Variants in LRBA observed in about 807,000 individuals in gnomAD.
LRBA encodes LPS responsive beige-like anchor protein, also known as lipopolysaccharide-responsive and beige-like anchor protein.
A neutral mutation model predicts 330.0 loss-of-function variants in LRBA; 176 were observed. The ratio of observed to expected loss-of-function variants is 0.53; its 90% CI spans 0.47 to 0.60. The LOEUF (loss-of-function observed/expected upper bound fraction) is 0.60, where lower values mean the gene tolerates loss of function less well. LRBA is among the 20% of genes least tolerant of loss of function. The pLI, the probability that LRBA is intolerant of heterozygous loss-of-function variation, is 0.00. For synonymous variants in LRBA, 1,230 were observed against 1,193.0 expected (o/e 1.03, Z -0.64); for missense variants, 3,259 against 3,444.8 (o/e 0.95, Z 1.35).
chr4:150,946,093 C>T (rs1736215738), intron 2 of LRBA, among the ~76,000 whole-genome samples: 2 of 152,142 alleles, frequency 1.3e-5, no homozygotes, highest in African/African-American at 4.8e-5. Context: ...CCACCATGCC[C>T]AGCCGGCATA....
intron 44 of LRBA, among the ~76,000 whole-genome samples, chr4:150,448,259 T>C (rs1161423778): frequency 6.6e-6 from 1 of 152,230 alleles, no homozygotes; most frequent in Non-Finnish European, 1.5e-5. Context: ...GCAATTTCGG[T>C]ACCACAAAGA....
rs148515557 is a variant in LRBA, at chr4:150,781,995, C to G, written c.5580+16086G>C. 4.6e-3 allele frequency among the ~76,000 whole-genome samples: 696 copies of G among 152,104 alleles called. 6 individuals carry two copies. Among genetic ancestry groups the G allele is most frequent in the African/African-American group, 0.016 (665 of 41,468 alleles). Reference sequence around the variant, plus strand: ...TATCACAATTCACTGCAGCCTTGACCCCCCTGGGTTCAAGCGATCCTCCCA... The same window carrying G: ...TATCACAATTCACTGCAGCCTTGACGCCCCTGGGTTCAAGCGATCCTCCCA... On this transcript the variant is annotated intron_variant, in intron 34 of 56. Coordinates refer to ENST00000651943, the MANE Select transcript of LRBA (RefSeq NM_001364905.1).
At chr4:150,828,654 A>C (rs1169683298) in intron 29 of LRBA, 33 bp from the exon 30 acceptor site, 4 of 1,553,260 alleles carry the variant, frequency 2.6e-6, no homozygotes, top group Non-Finnish European at 3.5e-6. Context: ...AGAAATAAAC[A>C]AACAAAAGTT....
intron 2 of LRBA, among the ~76,000 whole-genome samples, chr4:150,950,851 T>G (rs147138961): frequency 2.0e-5 from 3 of 152,274 alleles, no homozygotes; most frequent in African/African-American, 7.2e-5. Context: ...TGGCTAAATA[T>G]ATACTTCCCC....
At chr4:150,753,095 A>G (rs1439030408) in intron 35 of LRBA, among the ~76,000 whole-genome samples, 2 of 152,204 alleles carry the variant, frequency 1.3e-5, no homozygotes, top group Non-Finnish European at 2.9e-5. Context: ...CGATTCATAG[A>G]AATTCATCTT....
At chr4:150,943,868 G>A (rs943698087) in intron 2 of LRBA, among the ~76,000 whole-genome samples, 24 of 152,092 alleles carry the variant, frequency 1.6e-4, no homozygotes, top group African/African-American at 5.3e-4. Flanking sequence ...TGTGACTTAC[G>A]AAGTTAGGTC....
chr4:150,559,735 TATA>T (rs1377212047), intron 40 of LRBA, among the ~76,000 whole-genome samples: 1 of 89,172 alleles, frequency 1.1e-5, no homozygotes, highest in African/African-American at 4.7e-5. Flanking sequence ...TAATATATAA[TATA>T]ATATATAATA....
chr4:150,723,875 T>G (rs1293496164), intron 36 of LRBA, among the ~76,000 whole-genome samples: 1 of 152,124 alleles, frequency 6.6e-6, no homozygotes, highest in Non-Finnish European at 1.5e-5. Flanking sequence ...CATCACAAGC[T>G]GACAGAAGAG....
chr4:150,802,888 G>A (rs1322509749), intron 33 of LRBA, among the ~76,000 whole-genome samples: 1 of 151,562 alleles, frequency 6.6e-6, no homozygotes, highest in Non-Finnish European at 1.5e-5. Context: ...CCAGCTTGGT[G>A]GCACATGCCT....
chr4:150,518,782 C>T (rs1762623437), intron 40 of LRBA, among the ~76,000 whole-genome samples: 1 of 152,154 alleles, frequency 6.6e-6, no homozygotes, highest in African/African-American at 2.4e-5. Flanking sequence ...CAACTGGAAA[C>T]AAACACAGTC....
chr4:150,880,048 CAT>C (rs747244956), intron 17 of LRBA, among the ~76,000 whole-genome samples: 53 of 152,140 alleles, frequency 3.5e-4, no homozygotes, highest in Non-Finnish European at 6.0e-4. Context: ...AAAACAGACA[CAT>C]GTGTCAATGG....
intron 40 of LRBA, among the ~76,000 whole-genome samples, chr4:150,511,393 A>G (rs1347519687): frequency 1.3e-5 from 2 of 152,132 alleles, no homozygotes; most frequent in South Asian, 2.1e-4. Context: ...GGTAAAACCT[A>G]CTTTAGAAGA....
chr4:150,826,573 ATT>A, intron 30 of LRBA, among the ~76,000 whole-genome samples: 1 of 152,210 alleles, frequency 6.6e-6, no homozygotes, highest in Non-Finnish European at 1.5e-5. Context: ...GATTGGTTCT[ATT>A]GATACTTTGT....
intron 40 of LRBA, among the ~76,000 whole-genome samples, chr4:150,535,494 C>T (rs1422073383): frequency 6.6e-6 from 1 of 152,106 alleles, no homozygotes; most frequent in African/African-American, 2.4e-5. Flanking sequence ...CTTCTTTGTT[C>T]TCTTTCTATA....
intron 37 of LRBA, among the ~76,000 whole-genome samples, chr4:150,673,347 A>G (rs578156076): frequency 1.3e-5 from 2 of 152,330 alleles, no homozygotes; most frequent in Admixed American, 1.3e-4. Context: ...TGGTGAAAAA[A>G]GATAAGTCAT....
chr4:150,630,643 A>G (rs1308978067), intron 37 of LRBA, among the ~76,000 whole-genome samples: 1 of 152,176 alleles, frequency 6.6e-6, no homozygotes, highest in Admixed American at 6.5e-5. Context: ...GTGACCAGAA[A>G]TTACCTAATA....
chr4:150,984,055 G>A (rs1434304573), intron 2 of LRBA, among the ~76,000 whole-genome samples: 2 of 152,130 alleles, frequency 1.3e-5, no homozygotes, highest in African/African-American at 4.8e-5. Context: ...AACTCCAACA[G>A]CTCAAGGGCA....
chr4:150,830,894 G>C (rs1301505169), intron 29 of LRBA, among the ~76,000 whole-genome samples: 3 of 150,838 alleles, frequency 2.0e-5, no homozygotes, highest in Admixed American at 6.7e-5. Flanking sequence ...TTCCTAAGTA[G>C]CTGGGATTAC....
chr4:150,641,304 T>G (rs910736682), intron 37 of LRBA, among the ~76,000 whole-genome samples: 7 of 152,206 alleles, frequency 4.6e-5, no homozygotes, highest in African/African-American at 1.4e-4. Context: ...TTTTTCATAT[T>G]TGTTGATTCA....
Sources: gnomAD v4.1 joint callset for allele counts (sites outside exome capture counted in the v4.1 genomes callset) on GRCh38, gnomAD v4.1.1 for gene constraint, MANE v1.5 for transcripts, NCBI Gene and HGNC (gene_info 2026-07-23, HGNC 2026-07-21) for gene names.